CTNNBL1: variants seen among roughly 807,000 people sequenced by gnomAD.
CTNNBL1 encodes the protein beta-catenin-like protein 1.
In CTNNBL1, 31 loss-of-function variants were observed where a neutral mutation model predicts 72.7. That is an observed-to-expected ratio of 0.43 (90% CI 0.32 to 0.58). CTNNBL1 has a LOEUF of 0.58. CTNNBL1 is among the 20% of genes least tolerant of loss of function. CTNNBL1 has a pLI of 0.08. For missense variants in CTNNBL1, 534 were observed against 725.1 expected (o/e 0.74, Z 3.03); for synonymous variants, 240 against 267.3 (o/e 0.90, Z 1.00).
chr20:37,774,029 C>T (rs2073551695), intron 7 of CTNNBL1, among the ~76,000 whole-genome samples: 1 of 150,428 alleles, frequency 6.6e-6, no homozygotes, highest in South Asian at 2.1e-4. Flanking sequence ...TTTCCAACCT[C>T]AGCCTCCCAA....
At chr20:37,718,425 C>T (rs550001220) in intron 1 of CTNNBL1, among the ~76,000 whole-genome samples, 3 of 139,988 alleles carry the variant, frequency 2.1e-5, no homozygotes, top group East Asian at 2.2e-4. Flanking sequence ...GACCCCCCCA[C>T]CTCCCTCCCG....
At chr20:37,779,627 G>A (rs1170823640) in intron 10 of CTNNBL1, among the ~76,000 whole-genome samples, 1 of 152,082 alleles carries the variant, frequency 6.6e-6, no homozygotes, top group South Asian at 2.1e-4. Context: ...CCTTCCCATA[G>A]TGTGTTAGTT....
At chr20:37,768,065 C>T (rs890994750) in intron 7 of CTNNBL1, 21 bp downstream of exon 7, 1 of 1,590,006 alleles carries the variant, frequency 6.3e-7, no homozygotes, top group Non-Finnish European at 8.6e-7. Context: ...CTGTGGGGAA[C>T]TGCAGCTCAC....
rs565347767 is a variant in CTNNBL1 at position 37,856,774 on chromosome 20, G to A, written c.1393-3125G>A. 3.9e-5 allele frequency among the ~76,000 whole-genome samples: 6 copies of A among 152,200 alleles called. No individual in the cohort carries two copies. The East Asian group carries it at 7.7e-4, about 20-fold the overall frequency. On this transcript the variant is annotated intron_variant, in intron 13 of 15. Transcript: ENST00000361383. Reference sequence around the variant, plus strand: ...CTATCACTTACAATTTTTTTAACATGTGGGCACACTATACTTACTTTCTGG... The same window carrying A: ...CTATCACTTACAATTTTTTTAACATATGGGCACACTATACTTACTTTCTGG...
At chr20:37,811,864 C>G (rs1232954319) in intron 11 of CTNNBL1, among the ~76,000 whole-genome samples, 1 of 152,236 alleles carries the variant, frequency 6.6e-6, no homozygotes, top group Non-Finnish European at 1.5e-5. Flanking sequence ...ATGAATTAGG[C>G]ATTTCTGTCG....
rs2072488775 is a variant in CTNNBL1, at chr20:37,861,207, G to A, written c.1603+863G>A. Among the ~76,000 whole-genome samples, 3 of 152,234 alleles carry A rather than the reference G, an allele frequency of 2.0e-5. No homozygotes were observed. The South Asian group carries it at 6.2e-4, about 32-fold the overall frequency. On this transcript the variant is annotated intron_variant, in intron 15 of 15. Coordinates refer to ENST00000361383, the MANE Select transcript of CTNNBL1 (RefSeq NM_030877.5). ...AGTCTGTACCTGGCACACAGCGGGTGCTCAGTCAGTGTGGGTTTCCCTCCT... is the reference window on the plus strand; with the variant it reads ...AGTCTGTACCTGGCACACAGCGGGTACTCAGTCAGTGTGGGTTTCCCTCCT...
At chr20:37,774,280 A>G (rs1359563898) in intron 7 of CTNNBL1, among the ~76,000 whole-genome samples, 2 of 152,156 alleles carry the variant, frequency 1.3e-5, no homozygotes, top group South Asian at 4.2e-4. Context: ...CAATTTACAG[A>G]TAAAGAAATC....
intron 11 of CTNNBL1, among the ~76,000 whole-genome samples, chr20:37,809,073 C>A (rs547762339): frequency 2.1e-4 from 32 of 152,220 alleles, no homozygotes; most frequent in Non-Finnish European, 1.6e-4. Flanking sequence ...TAAGTCTCTG[C>A]TTTAGTCTCC....
chr20:37,755,719 T>G (rs946102865), intron 4 of CTNNBL1, among the ~76,000 whole-genome samples: 1 of 152,194 alleles, frequency 6.6e-6, no homozygotes, highest in African/African-American at 2.4e-5. Context: ...GCATCTTTTA[T>G]TTTTTCTTTT....
intron 7 of CTNNBL1, among the ~76,000 whole-genome samples, chr20:37,770,764 G>A (rs2073515091): frequency 6.6e-6 from 1 of 152,150 alleles, no homozygotes; most frequent in South Asian, 2.1e-4. Context: ...GGCTTTTAGG[G>A]ATATTTAAAC....
At chr20:37,723,698 C>T (rs998975348) in intron 1 of CTNNBL1, among the ~76,000 whole-genome samples, 1 of 152,088 alleles carries the variant, frequency 6.6e-6, no homozygotes, top group Non-Finnish European at 1.5e-5. Context: ...TTATAGTTTA[C>T]CTAGGGCACC....
intron 3 of CTNNBL1, among the ~76,000 whole-genome samples, chr20:37,739,027 C>T (rs2122609691): frequency 6.6e-6 from 1 of 152,034 alleles, no homozygotes; most frequent in East Asian, 1.9e-4. Flanking sequence ...CCAGCTTATC[C>T]AGCATTAGAG....
chr20:37,764,720 G>A (rs949151199), intron 5 of CTNNBL1, among the ~76,000 whole-genome samples: 1 of 152,200 alleles, frequency 6.6e-6, no homozygotes, highest in Non-Finnish European at 1.5e-5. Context: ...AAACAGGAAT[G>A]TTTTGAGGTC....
intron 11 of CTNNBL1, among the ~76,000 whole-genome samples, chr20:37,809,544 GAGTC>G (rs1486076726): frequency 3.3e-5 from 5 of 152,150 alleles, no homozygotes; most frequent in Non-Finnish European, 4.4e-5. Context: ...GCTAAACTGA[GAGTC>G]AGACCCTTCC....
intron 11 of CTNNBL1, among the ~76,000 whole-genome samples, chr20:37,830,702 T>C (rs1055700519): frequency 3.3e-5 from 5 of 152,218 alleles, no homozygotes; most frequent in Admixed American, 3.3e-4. Context: ...CAGAAATGCA[T>C]TTAACATACC....
intron 1 of CTNNBL1, among the ~76,000 whole-genome samples, chr20:37,708,798 T>G (rs1248835563): frequency 2.0e-5 from 3 of 152,104 alleles, no homozygotes; most frequent in African/African-American, 4.8e-5. Flanking sequence ...TCTTTGTACT[T>G]CCTTTCAACA....
chr20:37,753,069 A>C (rs1228067637), intron 4 of CTNNBL1, among the ~76,000 whole-genome samples: 1 of 152,110 alleles, frequency 6.6e-6, no homozygotes, highest in African/African-American at 2.4e-5. Flanking sequence ...GTCTGTCTTT[A>C]GTTTTGATTC....
intron 12 of CTNNBL1, among the ~76,000 whole-genome samples, chr20:37,841,292 G>A (rs4811196): frequency 0.82 from 124,280 of 152,168 alleles, 50,820 homozygotes; most frequent in Middle Eastern, 0.89. Context: ...GAGGTCATCA[G>A]GTTAGGACAC....
chr20:37,741,109 A>C (rs1022205280), intron 3 of CTNNBL1, among the ~76,000 whole-genome samples: 1 of 152,214 alleles, frequency 6.6e-6, no homozygotes, highest in Non-Finnish European at 1.5e-5. Flanking sequence ...ATTCTCTGTC[A>C]TATTAGATGG....
Sources: gnomAD v4.1 joint callset for allele counts (sites outside exome capture counted in the v4.1 genomes callset) on GRCh38, gnomAD v4.1.1 for gene constraint, MANE v1.5 for transcripts, NCBI Gene and HGNC (gene_info 2026-07-23, HGNC 2026-07-21) for gene names.